LRRC3B: variants seen among roughly 807,000 people sequenced by gnomAD.
LRRC3B encodes leucine-rich repeat-containing protein 3B.
In LRRC3B, 2 loss-of-function variants were observed where a neutral mutation model predicts 12.8. The ratio of observed to expected loss-of-function variants is 0.16; its 90% CI spans 0.06 to 0.49. LRRC3B has a LOEUF of 0.49. Ranked by LOEUF, LRRC3B falls within the 20% of genes least tolerant of loss-of-function variation. The probability of loss-of-function intolerance (pLI) is 0.96; values close to 1 mark genes in which losing one functional copy is unlikely to be tolerated. For synonymous variants in LRRC3B, 132 were observed against 122.0 expected (o/e 1.08, Z -0.54); for missense variants, 189 against 319.4 (o/e 0.59, Z 3.11).
chr3:26,631,943 A>G (rs1028713299), intron 1 of LRRC3B, among the ~76,000 whole-genome samples: 1 of 152,236 alleles, frequency 6.6e-6, no homozygotes, highest in South Asian at 2.1e-4. Flanking sequence ...TTTTTACTCC[A>G]TATGATGTCT....
chr3:26,648,696 G>A (rs1026900340), intron 1 of LRRC3B, among the ~76,000 whole-genome samples: 1 of 152,174 alleles, frequency 6.6e-6, no homozygotes, highest in Non-Finnish European at 1.5e-5. Flanking sequence ...AAATGCGCAT[G>A]TCTACTGGGA....
intron 1 of LRRC3B, among the ~76,000 whole-genome samples, chr3:26,675,115 G>A (rs1288317822): frequency 6.6e-6 from 1 of 152,092 alleles, no homozygotes; most frequent in Admixed American, 6.5e-5. Flanking sequence ...TGTCTTCCCG[G>A]TGTGGTTCTG....
In LRRC3B at chr3:26,709,843, A is replaced by G. The variant is rs535196658; in HGVS notation, c.171A>G (p.Glu57=). ...CCTGTAGCAATGCAAATCTCAAGGA[A>G]ATACCTAGAGATCTTCCTCCTGAAA... Residue 57 remains glutamate (E), a synonymous_variant, in exon 2 of 2, where the codon GAA becomes GAG. Transcript: ENST00000396641. The G allele has an allele frequency of 1.1e-5, 18 of 1,614,160 alleles. No individual in the cohort carries two copies. In the South Asian group the frequency reaches 1.6e-4, roughly 15 times the overall value.
intron 1 of LRRC3B, 88 bp from the exon 2 acceptor site, chr3:26,709,425 C>T: frequency 1.9e-6 from 1 of 513,138 alleles, no homozygotes; most frequent in Non-Finnish European, 3.5e-6. Flanking sequence ...CCTGCTCAAG[C>T]AGAATGCCAG....
chr3:26,661,875 T>C (rs1484206840), intron 1 of LRRC3B, among the ~76,000 whole-genome samples: 1 of 152,214 alleles, frequency 6.6e-6, no homozygotes, highest in African/African-American at 2.4e-5. Context: ...AGTTGGTCTC[T>C]GACACTTCTG....
chr3:26,638,089 A>G (rs1393314694), intron 1 of LRRC3B, among the ~76,000 whole-genome samples: 1 of 152,234 alleles, frequency 6.6e-6, no homozygotes, highest in Non-Finnish European at 1.5e-5. Flanking sequence ...TGAATAAGGA[A>G]TTCCACAAAG....
chr3:26,633,955 C>T (rs1379234940), intron 1 of LRRC3B, among the ~76,000 whole-genome samples: 1 of 152,138 alleles, frequency 6.6e-6, no homozygotes, highest in Admixed American at 6.5e-5. Flanking sequence ...TTTTGTAGAA[C>T]TAATTCAATT....
At chr3:26,685,523 CTATATATATATATATA>C (rs57407254) in intron 1 of LRRC3B, among the ~76,000 whole-genome samples, 132 of 38,266 alleles carry the variant, frequency 3.4e-3, no homozygotes, top group South Asian at 9.8e-3. Context: ...CTCTCTCTCT[CTATATATATATATATA>C]TATATATATA....
At chr3:26,654,402 C>A (rs898106084) in intron 1 of LRRC3B, among the ~76,000 whole-genome samples, 1 of 152,100 alleles carries the variant, frequency 6.6e-6, no homozygotes, top group Admixed American at 6.6e-5. Flanking sequence ...TAAATTAAAC[C>A]AGAATTTCTA....
At chr3:26,628,575 T>G (rs184665517) in intron 1 of LRRC3B, among the ~76,000 whole-genome samples, 55 of 152,022 alleles carry the variant, frequency 3.6e-4, no homozygotes, top group African/African-American at 1.2e-3. Context: ...CTGAAGATTG[T>G]GACTTTGATG....
At chr3:26,684,722 T>C (rs949202384) in intron 1 of LRRC3B, among the ~76,000 whole-genome samples, 5 of 152,158 alleles carry the variant, frequency 3.3e-5, no homozygotes, top group African/African-American at 9.7e-5. Flanking sequence ...CTCTCAAAGG[T>C]ATCACCTCTT....
chr3:26,694,554 T>TA (rs1700262337), intron 1 of LRRC3B: 1 of 152,206 alleles, frequency 6.6e-6, no homozygotes, highest in South Asian at 2.1e-4. Context: ...AGACAGTCAT[T>TA]ATCAGAACCA....
At chr3:26,669,981 T>G (rs1699686594) in intron 1 of LRRC3B, among the ~76,000 whole-genome samples, 1 of 152,228 alleles carries the variant, frequency 6.6e-6, no homozygotes, top group African/African-American at 2.4e-5. Context: ...AATATGCTAC[T>G]TCCCCTTCCT....
At chr3:26,650,947 C>A (rs1241214862) in intron 1 of LRRC3B, among the ~76,000 whole-genome samples, 1 of 152,126 alleles carries the variant, frequency 6.6e-6, no homozygotes, top group Non-Finnish European at 1.5e-5. Flanking sequence ...ACGTGGAGAG[C>A]ACAGAGATTG....
intron 1 of LRRC3B, among the ~76,000 whole-genome samples, chr3:26,671,413 G>GAGAGAGAGAGAGAGAGAGAGAGAGACAC (rs9331540): frequency 1.0e-5 from 1 of 99,390 alleles, no homozygotes; most frequent in Non-Finnish European, 1.9e-5. Context: ...GAGAGAGAGA[G>GAGAGAGAGAGAGAGAGAGAGAGAGACAC]ACGAAGTCTT....
intron 1 of LRRC3B, among the ~76,000 whole-genome samples, chr3:26,676,228 TC>T (rs1699857558): frequency 7.7e-6 from 1 of 130,600 alleles, no homozygotes; most frequent in African/African-American, 2.8e-5. Context: ...TGCTATCCCT[TC>T]CCCCTCCCCC....
chr3:26,627,590 CAG>C (rs1327727366), intron 1 of LRRC3B, among the ~76,000 whole-genome samples: 1 of 152,092 alleles, frequency 6.6e-6, no homozygotes, highest in African/African-American at 2.4e-5. Context: ...AAAATGCCCA[CAG>C]AGAGCCAACG....
intron 1 of LRRC3B, among the ~76,000 whole-genome samples, chr3:26,640,117 A>T (rs1466612525): frequency 1.3e-5 from 2 of 152,144 alleles, no homozygotes; most frequent in African/African-American, 4.8e-5. Context: ...GATCTAGGAA[A>T]CTGCATTTTT....
At chr3:26,710,329 A>G in exon 2 of LRRC3B, 2 of 1,613,988 alleles carry the variant, frequency 1.2e-6, no homozygotes, top group Non-Finnish European at 1.7e-6. Flanking sequence ...TGGTGATCTC[A>G]TATGTGGTAT....
Sources: allele counts gnomAD v4.1 joint callset (sites outside exome capture counted in the v4.1 genomes callset), GRCh38; gene constraint gnomAD v4.1.1; transcripts MANE v1.5; gene names NCBI Gene and HGNC (gene_info 2026-07-23, HGNC 2026-07-21).